Variants in GLB1L3 observed in about 807,000 individuals in gnomAD.
GLB1L3 encodes galactosidase beta 1 like 3.
In GLB1L3, 89 loss-of-function variants were observed where a neutral mutation model predicts 89.5. The observed-to-expected ratio is 0.99, with a 90% CI of 0.84 to 1.19. The LOEUF (loss-of-function observed/expected upper bound fraction) is 1.19. Among genes scored for constraint, GLB1L3 ranks in the 50% most tolerant of loss-of-function variants. GLB1L3 has a pLI of 0.00. For synonymous variants in GLB1L3, 314 were observed against 312.3 expected (o/e 1.01, Z -0.06); for missense variants, 812 against 813.3 (o/e 1.00, Z 0.02).
At chr11:134,322,106 C>T (rs929906222), downstream of GLB1L3, among the ~76,000 whole-genome samples, 1 of 152,024 alleles carries the variant, frequency 6.6e-6, no homozygotes, top group African/African-American at 2.4e-5. Context: ...ATGCAATGAT[C>T]GAAAGTCCAA....
intron 5 of GLB1L3, among the ~76,000 whole-genome samples, chr11:134,283,144 C>T (rs1403575367): frequency 6.6e-6 from 1 of 152,058 alleles, no homozygotes; most frequent in Non-Finnish European, 1.5e-5. Context: ...CTTGCTGCAA[C>T]CTCTGCCTCC....
At chr11:134,313,601 C>A in intron 16 of GLB1L3, 127 bp downstream of exon 16, 1 of 825,156 alleles carries the variant, frequency 1.2e-6, no homozygotes. Context: ...GCCCTGGGAG[C>A]AGAGATGCAA....
intron 10 of GLB1L3, 80 bp from the exon 11 acceptor site, chr11:134,309,546 G>C (rs1942617524): frequency 3.5e-6 from 4 of 1,137,550 alleles, no homozygotes; most frequent in Non-Finnish European, 4.8e-6. Flanking sequence ...AGTGGGGTTG[G>C]AAAGGATAAG....
chr11:134,307,310 A>C, intron 10 of GLB1L3, 102 bp downstream of exon 10: 1 of 860,042 alleles, frequency 1.2e-6, no homozygotes. Context: ...GATCAGCCGT[A>C]GATATTCATG....
At chr11:134,309,918 T>G in intron 11 of GLB1L3, 155 bp downstream of exon 11, 1 of 795,548 alleles carries the variant, frequency 1.3e-6, no homozygotes, top group South Asian at 1.9e-5. Flanking sequence ...TCCTTCTGTA[T>G]GTTCATAATG....
chr11:134,292,927 G>T, intron 8 of GLB1L3: 1 of 613,192 alleles, frequency 1.6e-6, no homozygotes, highest in Non-Finnish European at 2.9e-6. Flanking sequence ...ACAGAGTGTG[G>T]TTAATTTCAA....
In GLB1L3 at chr11:134,311,149, C is replaced by T. The variant is rs563534960; in HGVS notation, c.1266C>T (p.Asp422=). 23 of 1,613,576 alleles carry T rather than the reference C, an allele frequency of 1.4e-5. No homozygotes were observed. In the Admixed American group the frequency reaches 1.5e-4, roughly 11 times the overall value. Residue 422 remains aspartate, a synonymous_variant, in exon 13 of 20, where the codon GAC becomes GAT. Transcript: ENST00000431683. The stretch of plus-strand genomic sequence containing the variant: ...CGTCGCTGTACCTCCCGCTGTGGGA[C>T]GCCCTATCCTACTTAAATGAGGTGC... ...VRPSLYLPLW[D]ALSYLNEPVR...
downstream of GLB1L3, among the ~76,000 whole-genome samples, chr11:134,319,722 G>T (rs200905971): frequency 8.0e-6 from 1 of 125,280 alleles, no homozygotes. Flanking sequence ...CTCTCTCTGT[G>T]TATGTGTGTG....
At chr11:134,305,012 T>C (rs1329814414) in intron 9 of GLB1L3, 1 of 1,321,432 alleles carries the variant, frequency 7.6e-7, no homozygotes, top group African/African-American at 1.5e-5. Flanking sequence ...GCTAACAATG[T>C]ATCTTAGTGG....
At chr11:134,285,646 G>A (rs532783106) in intron 6 of GLB1L3, among the ~76,000 whole-genome samples, 1 of 152,200 alleles carries the variant, frequency 6.6e-6, no homozygotes, top group East Asian at 1.9e-4. Context: ...ATTCGAGAGC[G>A]TGGTGAGCAC....
chr11:134,312,745 C>T (rs568786126), intron 14 of GLB1L3, 71 bp from the exon 15 acceptor site: 222 of 1,321,898 alleles, frequency 1.7e-4, no homozygotes, highest in African/African-American at 1.6e-3. Flanking sequence ...CTCCTTCTCC[C>T]GAAACCGCGG....
chr11:134,308,235 C>CCACCACCCT (rs1565412573), intron 10 of GLB1L3, among the ~76,000 whole-genome samples: 1 of 27,772 alleles, frequency 3.6e-5, no homozygotes, highest in Admixed American at 3.1e-4. Flanking sequence ...ACCACCACCA[C>CCACCACCCT]CATCACCATC....
In GLB1L3 at chr11:134,307,173, G is replaced by T; in HGVS notation, c.926G>T (p.Arg309Ile). Residue 309 changes from arginine (R) to isoleucine (I), a missense_variant, in exon 10 of 20, where the codon AGA becomes ATA. Physicochemically the swap from Arg to Ile is moderately conservative, Grantham distance 97 (BLOSUM62 -3). Transcript: ENST00000431683. ...GAATACTGGGTCGGCTGGTTCGACA[G>T]ATGGGGAGATAAGCACCATGTTAAA... ...IMEYWVGWFD[R>I]WGDKHHVKDA... The T allele has an allele frequency of 1.9e-6, 3 of 1,613,726 alleles. No homozygotes were observed. Among genetic ancestry groups the T allele is most frequent in the Non-Finnish European group, 2.5e-6 (3 of 1,179,728 alleles).
intron 9 of GLB1L3, among the ~76,000 whole-genome samples, chr11:134,300,614 G>A (rs905486537): frequency 3.3e-4 from 50 of 152,032 alleles, no homozygotes; most frequent in African/African-American, 1.2e-3. Flanking sequence ...GATTACAGGC[G>A]TGAGCCACCG....
intron 10 of GLB1L3, among the ~76,000 whole-genome samples, chr11:134,308,984 G>T (rs1214527156): frequency 6.6e-6 from 1 of 152,192 alleles, no homozygotes; most frequent in Admixed American, 6.5e-5. Flanking sequence ...AGTACAAAAT[G>T]GAAGTTTTGT....
At chr11:134,317,002 G>C (rs907599515) in intron 18 of GLB1L3, 1 of 152,252 alleles carries the variant, frequency 6.6e-6, no homozygotes, top group African/African-American at 2.4e-5. Context: ...TCAACCTGAG[G>C]CACTGGATGT....
At chr11:134,308,475 TACC>T (rs1223184668) in intron 10 of GLB1L3, among the ~76,000 whole-genome samples, 1 of 20,348 alleles carries the variant, frequency 4.9e-5, no homozygotes, top group Non-Finnish European at 9.4e-5. Flanking sequence ...CACCACCAAA[TACC>T]ACCACCACCA....
chr11:134,305,210 T>C, intron 9 of GLB1L3: 1 of 1,009,710 alleles, frequency 9.9e-7, no homozygotes, highest in Non-Finnish European at 1.5e-6. Context: ...CATAATTTTG[T>C]CCTTCTAAGC....
At chr11:134,282,611 C>A (rs898978389) in intron 5 of GLB1L3, among the ~76,000 whole-genome samples, 1 of 152,170 alleles carries the variant, frequency 6.6e-6, no homozygotes. Flanking sequence ...AGTGAGACCA[C>A]CCTCAGCTCC....
Sources: gnomAD v4.1 joint callset for allele counts (sites outside exome capture counted in the v4.1 genomes callset) on GRCh38, gnomAD v4.1.1 for gene constraint, MANE v1.5 for transcripts, NCBI Gene and HGNC (gene_info 2026-07-23, HGNC 2026-07-21) for gene names.